TRDN: variants seen among roughly 807,000 people sequenced by gnomAD.
The protein encoded by TRDN is triadin in skeletal muscle.
In TRDN, 161 loss-of-function variants were observed where a neutral mutation model predicts 149.7. The ratio of observed to expected loss-of-function variants is 1.08; its 90% CI spans 0.95 to 1.23. TRDN has a LOEUF of 1.23. Among genes scored for constraint, TRDN ranks in the 50% most tolerant of loss-of-function variants. TRDN has a pLI of 0.00. For missense variants in TRDN, 896 were observed against 823.5 expected (o/e 1.09, Z -1.08); for synonymous variants, 294 against 250.5 (o/e 1.17, Z -1.64).
intron 40 of TRDN, among the ~76,000 whole-genome samples, chr6:123,220,003 T>C (rs1775089488): frequency 6.6e-6 from 1 of 151,882 alleles, no homozygotes; most frequent in African/African-American, 2.4e-5. Context: ...AATATTATTA[T>C]GACTGCAAAT....
chr6:123,321,273 G>A (rs1270868315), intron 23 of TRDN, among the ~76,000 whole-genome samples: 1 of 152,090 alleles, frequency 6.6e-6, no homozygotes, highest in Non-Finnish European at 1.5e-5. Flanking sequence ...ATGGTGCCAG[G>A]TACAAAGCAA....
At chr6:123,489,997 A>G (rs1778142941) in intron 9 of TRDN, among the ~76,000 whole-genome samples, 1 of 152,168 alleles carries the variant, frequency 6.6e-6, no homozygotes, top group Non-Finnish European at 1.5e-5. Flanking sequence ...ACAGAGGAAG[A>G]TATTTCAAAA....
rs936532990 is a variant in TRDN at position 123,523,186 on chromosome 6, G to A, written c.485-6980C>T. Among the ~76,000 whole-genome samples, 11 of 152,140 alleles carry A rather than the reference G, an allele frequency of 7.2e-5. 1 individual carries two copies. In the South Asian group the frequency reaches 8.3e-4, roughly 11 times the overall value. On this transcript the variant is annotated intron_variant, in intron 5 of 40. Transcript: ENST00000334268. ...CTCCGTATGAGAATCAAAGAAATAA[G>A]CAGGCTTTTGCCAAGGGACTACACA...
At chr6:123,329,827 G>A (rs762438216) in intron 23 of TRDN, among the ~76,000 whole-genome samples, 13 of 151,932 alleles carry the variant, frequency 8.6e-5, no homozygotes, top group Non-Finnish European at 1.8e-4. Flanking sequence ...AATAAAATGG[G>A]ATTTAAAATA....
intron 7 of TRDN, among the ~76,000 whole-genome samples, chr6:123,511,813 AATTCATAT>A (rs141337116): frequency 0.28 from 41,949 of 151,722 alleles, 6,392 homozygotes; most frequent in East Asian, 0.62. Context: ...TTGGAGGCAG[AATTCATAT>A]TCTTCTCACG....
chr6:123,251,813 T>C (rs914216699), intron 38 of TRDN, among the ~76,000 whole-genome samples: 1 of 152,008 alleles, frequency 6.6e-6, no homozygotes, highest in South Asian at 2.1e-4. Flanking sequence ...CCTGATATTC[T>C]AGAGAATCTA....
intron 1 of TRDN, among the ~76,000 whole-genome samples, chr6:123,612,719 A>C (rs1784882257): frequency 6.6e-6 from 1 of 152,164 alleles, no homozygotes; most frequent in African/African-American, 2.4e-5. Flanking sequence ...ACATCTTGAC[A>C]TAAGTATGGT....
intron 38 of TRDN, among the ~76,000 whole-genome samples, chr6:123,237,993 A>G (rs1484026165): frequency 1.3e-5 from 2 of 152,188 alleles, no homozygotes; most frequent in Non-Finnish European, 2.9e-5. Context: ...ATAATACATT[A>G]AAAGATGCTT....
At chr6:123,359,711 T>C (rs1489334763) in intron 20 of TRDN, among the ~76,000 whole-genome samples, 1 of 152,114 alleles carries the variant, frequency 6.6e-6, no homozygotes, top group Non-Finnish European at 1.5e-5. Flanking sequence ...TGTTTGTTTG[T>C]TTGAGACAGA....
At chr6:123,572,843 A>T (rs1782652312) in intron 1 of TRDN, among the ~76,000 whole-genome samples, 1 of 152,134 alleles carries the variant, frequency 6.6e-6, no homozygotes, top group African/African-American at 2.4e-5. Context: ...TTATCTCAAA[A>T]TTGCAACATC....
chr6:123,552,569 G>A (rs561264877), intron 2 of TRDN, among the ~76,000 whole-genome samples: 9 of 152,206 alleles, frequency 5.9e-5, no homozygotes, highest in South Asian at 2.1e-4. Context: ...CCTACCCAGC[G>A]CTGTGCCAAC....
chr6:123,609,785 T>C (rs1457355154), intron 1 of TRDN, among the ~76,000 whole-genome samples: 1 of 152,190 alleles, frequency 6.6e-6, no homozygotes, highest in African/African-American at 2.4e-5. Context: ...ATTGCGTGCA[T>C]GAATCATAAT....
At chr6:123,397,124 C>T (rs1215513268) in intron 12 of TRDN, among the ~76,000 whole-genome samples, 1 of 151,656 alleles carries the variant, frequency 6.6e-6, no homozygotes, top group Non-Finnish European at 1.5e-5. Flanking sequence ...TCAAAAGAGA[C>T]AATAAACAAT....
rs141107675 is a variant in TRDN at position 123,275,232 on chromosome 6, G to A, written c.1568-562C>T. ...ATTTGGAAATAGGGTTGCTACTGATGTAATTAGTTAAGGTAAGATGAAGTC... is the reference window on the plus strand; with the variant it reads ...ATTTGGAAATAGGGTTGCTACTGATATAATTAGTTAAGGTAAGATGAAGTC... On this transcript the variant is annotated intron_variant, in intron 26 of 40. Coordinates refer to ENST00000334268, the MANE Select transcript of TRDN (RefSeq NM_006073.4). 4.5e-3 allele frequency among the ~76,000 whole-genome samples: 681 copies of A among 152,176 alleles called. 4 individuals are homozygous for A. The highest frequency in any genetic ancestry group is 8.6e-3 in the Non-Finnish European group (585 of 68,008).
intron 19 of TRDN, among the ~76,000 whole-genome samples, chr6:123,370,304 G>A (rs1405808091): frequency 6.6e-6 from 1 of 151,712 alleles, no homozygotes; most frequent in African/African-American, 2.4e-5. Context: ...CTAAATAAAG[G>A]TAAGATAATT....
intron 1 of TRDN, among the ~76,000 whole-genome samples, chr6:123,626,479 A>C (rs113552799): frequency 0.05 from 7,651 of 152,098 alleles, 223 homozygotes; most frequent in African/African-American, 0.068. Context: ...AAAGAAAAAA[A>C]AACAACAACA....
At chr6:123,268,245 G>A (rs1449333168) in intron 31 of TRDN, among the ~76,000 whole-genome samples, 1 of 151,946 alleles carries the variant, frequency 6.6e-6, no homozygotes, top group Non-Finnish European at 1.5e-5. Context: ...GTATTCCAGA[G>A]AGTGCCACAT....
At chr6:123,261,705 A>G (rs896796914) in intron 33 of TRDN, among the ~76,000 whole-genome samples, 11 of 151,838 alleles carry the variant, frequency 7.2e-5, no homozygotes, top group African/African-American at 2.7e-4. Context: ...ATTTTATGAC[A>G]ATGAAGGTAT....
chr6:123,412,149 C>T (rs992185002), intron 12 of TRDN, among the ~76,000 whole-genome samples: 12 of 152,090 alleles, frequency 7.9e-5, no homozygotes, highest in African/African-American at 2.9e-4. Flanking sequence ...AACCAGCACA[C>T]CATGGAATCT....
Sources: gnomAD v4.1 joint callset for allele counts (sites outside exome capture counted in the v4.1 genomes callset) on GRCh38, gnomAD v4.1.1 for gene constraint, MANE v1.5 for transcripts, NCBI Gene and HGNC (gene_info 2026-07-23, HGNC 2026-07-21) for gene names.